KCTD3: variants seen among roughly 807,000 people sequenced by gnomAD.
KCTD3 encodes BTB/POZ domain-containing protein KCTD3.
KCTD3 carries 41 observed loss-of-function variants against 85.8 expected under a neutral mutation model. The ratio of observed to expected loss-of-function variants is 0.48; its 90% CI spans 0.37 to 0.62. The LOEUF is 0.62. KCTD3 is among the 20% of genes least tolerant of loss of function. KCTD3 has a pLI of 0.00. For synonymous variants in KCTD3, 338 were observed against 345.4 expected, an observed-to-expected ratio of 0.98 and a Z score of 0.24; for missense variants, 724 against 989.9, an observed-to-expected ratio of 0.73 and a Z score of 3.60.
At chr1:215,599,220 A>G (rs1396655062) in intron 10 of KCTD3, among the ~76,000 whole-genome samples, 1 of 152,198 alleles carries the variant, frequency 6.6e-6, no homozygotes, top group Non-Finnish European at 1.5e-5. Context: ...AAGGACTACT[A>G]AAGAAAAATG....
chr1:215,608,780 A>T (rs2102598341), intron 14 of KCTD3, among the ~76,000 whole-genome samples: 1 of 152,068 alleles, frequency 6.6e-6, no homozygotes, highest in Middle Eastern at 3.4e-3. Flanking sequence ...CCCATTTGAA[A>T]GAATCTCACT....
At chr1:215,581,043 C>T in intron 8 of KCTD3, 1 of 429,436 alleles carries the variant, frequency 2.3e-6, no homozygotes. Context: ...GGGTGGAGTT[C>T]AAGATCAGCC....
chr1:215,579,782 G>A (rs1232473279), intron 7 of KCTD3, 127 bp from the exon 8 acceptor site: 3 of 641,340 alleles, frequency 4.7e-6, no homozygotes, highest in Admixed American at 2.4e-5. Flanking sequence ...ACAGGTGTGA[G>A]CCACTGTGCC....
chr1:215,618,582 G>T (rs1235588711), intron 15 of KCTD3: 2 of 232,136 alleles, frequency 8.6e-6, no homozygotes, highest in South Asian at 9.8e-5. Flanking sequence ...CGTCAATGTG[G>T]ATAAAAATTG....
chr1:215,606,141 A>C (rs1222565247), intron 13 of KCTD3, among the ~76,000 whole-genome samples: 1 of 151,990 alleles, frequency 6.6e-6, no homozygotes, highest in Non-Finnish European at 1.5e-5. Flanking sequence ...TGGCTTTTCT[A>C]TTTCTTAAAA....
chr1:215,603,459 A>AC (rs1293477906), intron 12 of KCTD3, among the ~76,000 whole-genome samples: 1 of 152,196 alleles, frequency 6.6e-6, no homozygotes, highest in African/African-American at 2.4e-5. Context: ...TTTGAAAAAA[A>AC]GAAAACAAAA....
rs78141171 is a variant in KCTD3, at chr1:215,615,774, G to A, written c.1563-3112G>A. Among the ~76,000 whole-genome samples, 25 of 152,270 alleles carry A rather than the reference G, an allele frequency of 1.6e-4. 1 individual carries two copies. In the East Asian group the frequency reaches 4.1e-3, roughly 25 times the overall value. On this transcript the variant is annotated intron_variant, in intron 15 of 17. Coordinates refer to ENST00000259154, the MANE Select transcript of KCTD3 (RefSeq NM_016121.5). ...AATTGATTTTATTATACTTTTATAT[G>A]ACACGAGAGCCTTCAGAATGAAGAC...
At chr1:215,588,260 C>T (rs2102572463) in intron 9 of KCTD3, among the ~76,000 whole-genome samples, 1 of 152,160 alleles carries the variant, frequency 6.6e-6, no homozygotes, top group East Asian at 1.9e-4. Context: ...TTTTCCTTGA[C>T]ATAGCCATAG....
chr1:215,610,233 AAAG>A (rs1245154378), intron 14 of KCTD3, among the ~76,000 whole-genome samples: 4 of 151,922 alleles, frequency 2.6e-5, no homozygotes, highest in Admixed American at 2.0e-4. Flanking sequence ...ACCATGAAAT[AAAG>A]AAGTAATGGA....
At chr1:215,580,876 A>C in intron 8 of KCTD3, 1 of 366,938 alleles carries the variant, frequency 2.7e-6, no homozygotes, top group South Asian at 2.0e-5. Flanking sequence ...AATTTATGAA[A>C]GGTTTGGCAT....
At chr1:215,584,558 A>G (rs1438712809) in intron 8 of KCTD3, among the ~76,000 whole-genome samples, 1 of 152,132 alleles carries the variant, frequency 6.6e-6, no homozygotes, top group Non-Finnish European at 1.5e-5. Context: ...AGGTTTCATG[A>G]TAACTTGGGG....
intron 1 of KCTD3, 116 bp downstream of exon 1, chr1:215,567,884 G>A: frequency 3.3e-6 from 2 of 607,316 alleles, no homozygotes; most frequent in Non-Finnish European, 4.8e-6. Context: ...CAAGCCTGGA[G>A]GGGAACGTGG....
chr1:215,615,009 C>A (rs934447858), intron 15 of KCTD3, among the ~76,000 whole-genome samples: 10 of 152,102 alleles, frequency 6.6e-5, no homozygotes, highest in African/African-American at 2.2e-4. Flanking sequence ...ATTCTAATAT[C>A]CCCTCTTCTG....
intron 8 of KCTD3, among the ~76,000 whole-genome samples, chr1:215,583,118 A>G (rs2102565577): frequency 6.6e-6 from 1 of 152,046 alleles, no homozygotes; most frequent in South Asian, 2.1e-4. Flanking sequence ...GAGATTATAT[A>G]GTTTTTTTTT....
intron 13 of KCTD3, among the ~76,000 whole-genome samples, chr1:215,605,492 T>G (rs144004725): frequency 0.012 from 1,894 of 152,248 alleles, 21 homozygotes; most frequent in Non-Finnish European, 0.02. Context: ...GACTCTGTAT[T>G]CTTTATCTGC....
intron 12 of KCTD3, among the ~76,000 whole-genome samples, chr1:215,602,943 G>A (rs546851722): frequency 4.6e-4 from 70 of 152,266 alleles, no homozygotes; most frequent in African/African-American, 1.5e-3. Context: ...GACTTAAATT[G>A]TATTGCTCTA....
Position 215,578,175 on chromosome 1 carries a change from GT to G in KCTD3, c.397+100del, listed in dbSNP as rs951095658. 1.9e-5 allele frequency: 18 copies of G among 954,568 alleles called. No individual in the cohort carries two copies. In the African/African-American group the frequency reaches 2.8e-4, roughly 15 times the overall value. 59.1% of individuals were successfully genotyped at this position (954,568 alleles called of 1,614,324 possible). The stretch of plus-strand genomic sequence containing the variant: ...GGAAAAACTGCTCCTTGATTATTGA[GT>G]TTTTTGTCTATAAATCTATTAGAAA... On this transcript the variant is annotated intron_variant, in intron 6 of 17. Coordinates refer to ENST00000259154, the MANE Select transcript of KCTD3 (RefSeq NM_016121.5).
intron 15 of KCTD3, among the ~76,000 whole-genome samples, chr1:215,613,510 C>T (rs1655309502): frequency 6.6e-6 from 1 of 152,150 alleles, no homozygotes; most frequent in Non-Finnish European, 1.5e-5. Context: ...TTAATAAGGT[C>T]CCACTTGTCA....
intron 9 of KCTD3, among the ~76,000 whole-genome samples, chr1:215,586,980 A>G (rs1660033016): frequency 1.3e-5 from 2 of 152,166 alleles, no homozygotes; most frequent in Non-Finnish European, 2.9e-5. Flanking sequence ...CCCCTCTCAA[A>G]CTACTGAACC....
Sources: gnomAD v4.1 joint callset for allele counts (sites outside exome capture counted in the v4.1 genomes callset) on GRCh38, gnomAD v4.1.1 for gene constraint, MANE v1.5 for transcripts, NCBI Gene and HGNC (gene_info 2026-07-23, HGNC 2026-07-21) for gene names.